Variants in KCNH4 observed in about 807,000 individuals in gnomAD.
KCNH4 encodes voltage-gated delayed rectifier potassium channel KCNH4.
In KCNH4, 33 loss-of-function variants were observed where a neutral mutation model predicts 90.7. The observed-to-expected ratio is 0.36, with a 90% confidence interval of 0.28 to 0.49. The LOEUF is 0.49. Among genes scored for constraint, KCNH4 ranks in the 20% least tolerant of loss-of-function variants. The pLI is 0.98. For missense variants in KCNH4, 1,044 were observed against 1,387.1 expected, an observed-to-expected ratio of 0.75 and a Z score of 3.93; for synonymous variants, 551 against 581.7, an observed-to-expected ratio of 0.95 and a Z score of 0.76.
chr17:42,181,013 C>A lies in KCNH4; in HGVS notation c.-68G>T. ...CAGCGCGGCCGGGCCGGAGGGGGCG[C>A]GCTGTCGGAGGGGCCGGGGCGCCCC... On this transcript the variant is annotated 5_prime_UTR_variant, in exon 1 of 17. Transcript: ENST00000264661. 1.3e-6 allele frequency: 2 copies of A among 1,483,288 alleles called. No individual in the cohort carries two copies. The highest frequency in any genetic ancestry group is 2.4e-5 in the South Asian group (2 of 84,302). 91.9% of individuals were successfully genotyped at this position (1,483,288 alleles called of 1,614,324 possible). A position where few individuals can be genotyped will look rare whatever the true frequency, so the allele number is the denominator to read the frequency against.
chr17:42,161,952 CTTTTT>C (rs986564483), intron 15 of KCNH4, among the ~76,000 whole-genome samples: 2 of 122,276 alleles, frequency 1.6e-5, no homozygotes, highest in South Asian at 5.4e-4. Context: ...ATATCTCTCT[CTTTTT>C]TTTTTTTTTT....
At position 42,163,862 on chromosome 17, in the gene KCNH4, G is replaced by C. The variant is rs772293037; in HGVS notation, c.2221C>G (p.Arg741Gly). ...GAEPGGGPRP[R>G]RPLLLPNLSP... ...AGGTTGGGCAGCAGGAGGGGCCGTC[G>C]GGGCCTGGGACCACCCCCAGGCTCC... The change falls in exon 13 of 17, where the codon CGA becomes GGA. Residue 741 changes from arginine (R) to glycine (G), a missense_variant. This residue lies in a region of KCNH4 where 441 missense variants were observed against 512.3 expected (regional missense o/e 0.86). Coordinates refer to ENST00000264661, the MANE Select transcript of KCNH4 (RefSeq NM_012285.3). The surrounding 1 kb of genome is among the most constrained non-coding windows in gnomAD (Gnocchi z 5.4). 6.6e-7 allele frequency: 1 copy of C among 1,513,906 alleles called. No homozygotes were observed. Among genetic ancestry groups the C allele is most frequent in the Non-Finnish European group, 8.9e-7 (1 of 1,129,832 alleles). The allele number at this position is 1,513,906 out of a possible 1,614,324, so 93.8% of individuals were successfully genotyped here.
rs201972100 is a variant in KCNH4, at chr17:42,178,776, G to C, written c.310+17C>G. ...AGGGGTCTAGGCAGAGCTGCAGGGT[G>C]GGGTGAGCCCCCTCACCATCCTTGC... On this transcript the variant is annotated intron_variant, in intron 2 of 16. Transcript: ENST00000264661. The C allele has an allele frequency of 4.6e-4, 734 of 1,582,430 alleles. 4 individuals carry two copies. In the African/African-American group the frequency reaches 9.1e-3, roughly 20 times the overall value.
Position 42,175,700 on chromosome 17 carries a change from T to G in KCNH4, c.866A>C (p.Gln289Pro). Residue 289 changes from glutamine (Q) to proline (P), a missense_variant, in exon 6 of 17, where the codon CAG becomes CCG. By Grantham distance (76) the Gln-to-Pro change is moderately conservative (BLOSUM62 -1). Around this residue, in one of 4 missense-constraint regions of KCNH4, gnomAD observed 318 missense variants for 479.6 expected, o/e 0.66. Transcript: ENST00000264661. ...ILNFRTTYVS[Q>P]SGQVISAPRS... ...AGGAGCAGAGATTACCTGGCCGGAC[T>G]GGGACACATAGGTGGTGCGGAAGTT... 6.2e-7 allele frequency: 1 copy of G among 1,614,068 alleles called. No individual in the cohort carries two copies. The highest frequency in any genetic ancestry group is 8.5e-7 in the Non-Finnish European group (1 of 1,179,982).
intron 7 of KCNH4, among the ~76,000 whole-genome samples, chr17:42,171,171 G>A (rs564439345): frequency 1.3e-5 from 2 of 152,178 alleles, no homozygotes; most frequent in African/African-American, 4.8e-5. Context: ...GGGGGGATGA[G>A]AAGGGGATTG....
chr17:42,164,758 C>G (rs960907050), intron 11 of KCNH4, among the ~76,000 whole-genome samples: 2 of 151,606 alleles, frequency 1.3e-5, no homozygotes, highest in African/African-American at 4.8e-5. Flanking sequence ...GCTGAGATGG[C>G]GCCACTACAC....
rs752450441 is a variant in KCNH4, at chr17:42,165,530, G to C, written c.2004C>G (p.Leu668=). 2 of 1,614,218 alleles carry C rather than the reference G, an allele frequency of 1.2e-6. No homozygotes were observed. The highest frequency in any genetic ancestry group is 2.2e-5 in the South Asian group (2 of 91,088). Residue 668 remains leucine, a synonymous_variant, in exon 11 of 17, where the codon CTC becomes CTG. Transcript: ENST00000264661. ...SSRGLAEVLR[L]YPEYGAAFRA... ...GGAAGGCAGCCCCATACTCAGGATA[G>C]AGCCTCAGGACCTCAGCCAGCCCTC...
chr17:42,166,390 G>C lies in KCNH4; in HGVS notation c.1747C>G (p.Leu583Val), dbSNP rs779363177. Residue 583 changes from leucine to valine, a missense_variant, in exon 10 of 17, where the codon CTG becomes GTG. Transcript: ENST00000264661. ...TGCAGGGCATCCCCACGGCGCAACAGGTACTCGCCCGGAGCGCAGAACGAG... is the reference window on the plus strand; with the variant it reads ...TGCAGGGCATCCCCACGGCGCAACACGTACTCGCCCGGAGCGCAGAACGAG... ...KTSFCAPGEY[L>V]LRRGDALQAH... The C allele has an allele frequency of 6.2e-7, 1 of 1,614,020 alleles. No homozygotes were observed. Among genetic ancestry groups the C allele is most frequent in the South Asian group, 1.1e-5 (1 of 91,086 alleles).
intron 15 of KCNH4, among the ~76,000 whole-genome samples, chr17:42,161,049 C>A (rs1309106720): frequency 6.6e-6 from 1 of 151,578 alleles, no homozygotes; most frequent in Non-Finnish European, 1.5e-5. Context: ...GCCTCAGCCT[C>A]CCAAGTAGCC....
chr17:42,163,799 A>T lies in KCNH4; in HGVS notation c.2284T>A (p.Leu762Met). The change falls in exon 13 of 17, where the codon TTG becomes ATG. Residue 762 changes from leucine to methionine, a missense_variant. Leu to Met is a conservative substitution (Grantham distance 15). This residue lies in a region of KCNH4 where 441 missense variants were observed against 512.3 expected (regional missense o/e 0.86). Transcript: ENST00000264661. The surrounding 1 kb of genome is among the most constrained non-coding windows in gnomAD (Gnocchi z 5.4). Reference sequence around the variant, plus strand: ...GAGAATGGGGGCAGCTCCTCGCCCAAAAGGCTGACCAGGGAGCCCCGAGGC... The same window carrying T: ...GAGAATGGGGGCAGCTCCTCGCCCATAAGGCTGACCAGGGAGCCCCGAGGC... Reference protein sequence around the residue: ...ARPRGSLVSLLGEELPPFSAL... With the variant: ...ARPRGSLVSLMGEELPPFSAL... 2 of 1,539,526 alleles carry T rather than the reference A, an allele frequency of 1.3e-6. No homozygotes were observed. The highest frequency in any genetic ancestry group is 1.7e-6 in the Non-Finnish European group (2 of 1,143,336).
chr17:42,169,216 A>G (rs1275066533), intron 9 of KCNH4, among the ~76,000 whole-genome samples: 1 of 152,040 alleles, frequency 6.6e-6, no homozygotes, highest in Non-Finnish European at 1.5e-5. Context: ...AGTAGCTGGG[A>G]TTACAGGCGT....
chr17:42,173,376 G>A (rs1184209530), intron 6 of KCNH4, among the ~76,000 whole-genome samples: 1 of 152,106 alleles, frequency 6.6e-6, no homozygotes, highest in Non-Finnish European at 1.5e-5. Flanking sequence ...CCTCGCCAGG[G>A]TTTAATGCCT....
intron 9 of KCNH4, among the ~76,000 whole-genome samples, chr17:42,168,504 C>T (rs1409724267): frequency 6.6e-6 from 1 of 152,088 alleles, no homozygotes; most frequent in Non-Finnish European, 1.5e-5. Context: ...ATCAGCCGAG[C>T]ATGGTGGCAG....
intron 8 of KCNH4, 41 bp downstream of exon 8, chr17:42,170,066 C>T (rs1270903508): frequency 6.5e-6 from 10 of 1,537,682 alleles, no homozygotes; most frequent in African/African-American, 1.4e-5. Flanking sequence ...GCATGCTGGG[C>T]TTCGCAGGGC....
chr17:42,170,270 C>G lies in KCNH4; in HGVS notation c.1227G>C (p.Glu409Asp), dbSNP rs2079818249. ...CCACCGAGCCATTGACATAGGGCAC[C>G]TCCAGACGCTTGCCCAACTCATGCA... ...GWLHELGKRL[E>D]VPYVNGSVGG... Residue 409 changes from glutamate to aspartate, a missense_variant, in exon 8 of 17, where the codon GAG becomes GAC. Coordinates refer to ENST00000264661, the MANE Select transcript of KCNH4 (RefSeq NM_012285.3). The G allele has an allele frequency of 1.2e-6, 2 of 1,602,010 alleles. No homozygotes were observed. Among genetic ancestry groups the G allele is most frequent in the South Asian group, 1.1e-5 (1 of 90,762 alleles).
At chr17:42,179,146 A>G (rs1322812507) in intron 1 of KCNH4, 120 bp from the exon 2 acceptor site, 6 of 672,226 alleles carry the variant, frequency 8.9e-6, no homozygotes, top group South Asian at 3.8e-5. Flanking sequence ...CCAGGTTTCC[A>G]TGTTGCTCCT....
chr17:42,170,376 C>T (rs1247542577), intron 7 of KCNH4, 75 bp from the exon 8 acceptor site: 2 of 1,316,684 alleles, frequency 1.5e-6, no homozygotes, highest in African/African-American at 3.0e-5. Flanking sequence ...GCCACCTACG[C>T]TTGACCTTCG....
intron 1 of KCNH4, among the ~76,000 whole-genome samples, chr17:42,179,461 T>A (rs1413064668): frequency 6.6e-6 from 1 of 152,248 alleles, no homozygotes; most frequent in African/African-American, 2.4e-5. Context: ...ATAATAGGCC[T>A]TCCTCACATG....
At chr17:42,171,219 A>C (rs909207229) in intron 7 of KCNH4, among the ~76,000 whole-genome samples, 2 of 151,954 alleles carry the variant, frequency 1.3e-5, no homozygotes, top group Non-Finnish European at 2.9e-5. Flanking sequence ...GGCCTGGGTG[A>C]GAAAGGGAGG....
Sources: gnomAD v4.1 joint callset for allele counts (sites outside exome capture counted in the v4.1 genomes callset) on GRCh38, gnomAD v4.1.1 for gene constraint, gnomAD v4.1.1 regional missense constraint, Gnocchi (gnomAD v3.1) non-coding constraint, MANE v1.5 for transcripts, NCBI Gene and HGNC (gene_info 2026-07-23, HGNC 2026-07-21) for gene names.